The following RBPJ variants were observed in gnomAD, a reference collection of about 807,000 sequenced individuals.
The protein encoded by RBPJ is recombining binding protein suppressor of hairless.
In RBPJ, 9 loss-of-function variants were observed where a neutral mutation model predicts 67.8. The ratio of observed to expected loss-of-function variants is 0.13; its 90% CI spans 0.08 to 0.23. The LOEUF is 0.23. RBPJ is among the 10% of genes least tolerant of loss of function. The pLI is 1.00. For synonymous variants in RBPJ, 198 were observed against 203.3 expected, an observed-to-expected ratio of 0.97 and a Z score of 0.22; for missense variants, 305 against 595.6, an observed-to-expected ratio of 0.51 and a Z score of 5.08.
chr4:26,424,541 A>G lies in RBPJ; in HGVS notation c.634+62A>G. ...GAAATTGTTAAAATCTTTTGATGAG[A>G]TACATGGATATATTAAGTTTTGTCA... is the stretch of plus-strand genomic sequence containing the variant. On this transcript the variant is annotated intron_variant, in intron 6 of 10. Coordinates refer to ENST00000355476, the MANE Select transcript of RBPJ (RefSeq NM_015874.6). This position sits in a 1 kb window ranked among gnomAD's most constrained non-coding sequence, Gnocchi z 5.3. The G allele has an allele frequency of 6.4e-7, 1 of 1,564,366 alleles. No individual in the cohort carries two copies. Among genetic ancestry groups the G allele is most frequent in the East Asian group, 2.2e-5 (1 of 44,580 alleles).
the RBPJ span, among the ~76,000 whole-genome samples, chr4:26,110,473 C>G: frequency 3.3e-5 from 5 of 152,058 alleles, no homozygotes; most frequent in African/African-American, 1.2e-4. The surrounding 1 kb of genome is among the most constrained non-coding windows in gnomAD (Gnocchi z 4.5). Flanking sequence ...TTCAGCTGGC[C>G]GCTTTGAACT....
chr4:26,146,811 G>C, the RBPJ span, among the ~76,000 whole-genome samples: 1 of 152,336 alleles, frequency 6.6e-6, no homozygotes, highest in Non-Finnish European at 1.5e-5. Context: ...TACAGAGATT[G>C]CTCATTTAAA....
chr4:26,395,706 C>T (rs1359996935), intron 2 of RBPJ, among the ~76,000 whole-genome samples: 3 of 152,134 alleles, frequency 2.0e-5, no homozygotes, highest in Non-Finnish European at 2.9e-5. Flanking sequence ...CCCAGTCTTC[C>T]AGTGTGCAGA....
chr4:26,304,686 G>C lies in RBPJ; in HGVS notation c.-166-57760G>C, dbSNP rs116523145. ...ATCTTTTGCCCATTTTTAATTGAACGATTTGTCTTTTTATTATTCAGTTTT... is the reference window on the plus strand; with the variant it reads ...ATCTTTTGCCCATTTTTAATTGAACCATTTGTCTTTTTATTATTCAGTTTT... On this transcript the variant is annotated intron_variant, in intron 1 of 4. Coordinates refer to the RBPJ transcript ENST00000512351. Among the ~76,000 whole-genome samples, 670 of 151,824 alleles carry C rather than the reference G, an allele frequency of 4.4e-3. 6 individuals carry two copies. The highest frequency in any genetic ancestry group is 0.015 in the African/African-American group (637 of 41,416).
At chr4:26,427,498 G>T (rs1246992071) in intron 7 of RBPJ, among the ~76,000 whole-genome samples, 1 of 152,152 alleles carries the variant, frequency 6.6e-6, no homozygotes, top group Non-Finnish European at 1.5e-5. Context: ...TATAAAGAGA[G>T]GAAAAGAGGG....
At chr4:26,134,679 C>T in the RBPJ span, among the ~76,000 whole-genome samples, 3 of 152,090 alleles carry the variant, frequency 2.0e-5, no homozygotes, top group Admixed American at 6.6e-5. Context: ...CAGGAGATTC[C>T]GATAGAAATG....
chr4:26,364,181 A>T (rs2109512679), intron 1 of RBPJ, among the ~76,000 whole-genome samples: 1 of 152,340 alleles, frequency 6.6e-6, no homozygotes, highest in African/African-American at 2.4e-5. Flanking sequence ...TTTGTCAGTT[A>T]GTCTACCTTA....
chr4:26,371,797 G>T (rs927146545), intron 1 of RBPJ, among the ~76,000 whole-genome samples: 1 of 152,202 alleles, frequency 6.6e-6, no homozygotes, highest in African/African-American at 2.4e-5. Context: ...ATAATGATAG[G>T]TGGTTTGTTT....
At chr4:26,273,778 G>C (rs557806368) in intron 1 of RBPJ, among the ~76,000 whole-genome samples, 1 of 152,304 alleles carries the variant, frequency 6.6e-6, no homozygotes, top group Non-Finnish European at 1.5e-5. Context: ...AGCCATTCCC[G>C]GTGCCCCTTG....
At chr4:26,301,059 G>T (rs1018521813) in intron 1 of RBPJ, among the ~76,000 whole-genome samples, 4 of 152,138 alleles carry the variant, frequency 2.6e-5, no homozygotes, top group African/African-American at 9.7e-5. Flanking sequence ...AACAGGGAGG[G>T]GACTGCTGAT....
rs139527288 is a variant in RBPJ at position 26,299,937 on chromosome 4, G to A, written c.-166-62509G>A. Among the ~76,000 whole-genome samples, 151 of 151,906 alleles carry A rather than the reference G, an allele frequency of 9.9e-4. 1 individual carries two copies. The East Asian group carries it at 0.022, about 23-fold the overall frequency. On this transcript the variant is annotated intron_variant, in intron 1 of 4. Coordinates refer to the RBPJ transcript ENST00000512351. ...TCACCTCAGGTGATCCACCCGCCTCGGCCTCCCAAAGTGTTGGGATTACAG... is the reference window on the plus strand; with the variant it reads ...TCACCTCAGGTGATCCACCCGCCTCAGCCTCCCAAAGTGTTGGGATTACAG...
In RBPJ at chr4:26,264,242, A is replaced by T. The variant is rs1270290490; in HGVS notation, c.-166-98204A>T. Among the ~76,000 whole-genome samples, 1 of 152,184 alleles carries T rather than the reference A, an allele frequency of 6.6e-6. No homozygotes were observed. The highest frequency in any genetic ancestry group is 2.4e-5 in the African/African-American group (1 of 41,408). ...TTAGCTTCAACAAATTATGTGTTGA[A>T]TTAATCAATGAATACTTATTAATTC... On this transcript the variant is annotated intron_variant, in intron 1 of 4. Transcript: ENST00000512351. This position sits in a 1 kb window ranked among gnomAD's most constrained non-coding sequence, Gnocchi z 4.1.
the RBPJ span, among the ~76,000 whole-genome samples, chr4:26,132,231 A>G: frequency 0.16 from 24,262 of 152,160 alleles, 2,158 homozygotes; most frequent in South Asian, 0.2. Context: ...TGAAAACACA[A>G]AATTTAAATA....
intron 1 of RBPJ, among the ~76,000 whole-genome samples, chr4:26,329,817 C>T (rs1724039812): frequency 6.6e-6 from 1 of 151,898 alleles, no homozygotes; most frequent in Admixed American, 6.6e-5. Flanking sequence ...TGGCATGAAC[C>T]CGGGAGGCGG....
intron 1 of RBPJ, among the ~76,000 whole-genome samples, chr4:26,182,668 AT>A (rs562056445): frequency 2.0e-5 from 3 of 147,102 alleles, no homozygotes; most frequent in Admixed American, 6.8e-5. Flanking sequence ...TAATTTTTTA[AT>A]TTTTTTTTTG....
At chr4:26,237,993 C>T (rs551948893) in intron 1 of RBPJ, among the ~76,000 whole-genome samples, 1 of 152,088 alleles carries the variant, frequency 6.6e-6, no homozygotes, top group Non-Finnish European at 1.5e-5. Context: ...AATTAAATTA[C>T]AGTTATGAGC....
At chr4:26,282,668 A>C (rs1346274525) in intron 1 of RBPJ, among the ~76,000 whole-genome samples, 3 of 151,102 alleles carry the variant, frequency 2.0e-5, no homozygotes, top group Admixed American at 6.6e-5. Flanking sequence ...TTACAGGCGC[A>C]TGCCACCACT....
At chr4:26,279,873 G>C (rs1470842327) in intron 1 of RBPJ, among the ~76,000 whole-genome samples, 1 of 147,514 alleles carries the variant, frequency 6.8e-6, no homozygotes, top group African/African-American at 2.5e-5. Flanking sequence ...CTGCAGCCTC[G>C]ACTTCTTGGG....
At chr4:26,214,490 A>AGGG (rs1718554979) in intron 1 of RBPJ, among the ~76,000 whole-genome samples, 1 of 109,098 alleles carries the variant, frequency 9.2e-6, no homozygotes, top group South Asian at 3.6e-4. Flanking sequence ...ACAAGGAGGG[A>AGGG]AGGAGGGAGG....
Sources: gnomAD v4.1 joint callset for allele counts (sites outside exome capture counted in the v4.1 genomes callset) on GRCh38, gnomAD v4.1.1 for gene constraint, Gnocchi (gnomAD v3.1) non-coding constraint, MANE v1.5 for transcripts, NCBI Gene and HGNC (gene_info 2026-07-23, HGNC 2026-07-21) for gene names.